The following ALX1 variants were observed in gnomAD, a reference collection of about 807,000 sequenced individuals.
ALX1 encodes the protein ALX homeobox 1, also known as ALX homeobox protein 1.
In ALX1, 19 loss-of-function variants were observed where a neutral mutation model predicts 31.7. That is an observed-to-expected ratio of 0.60 (90% CI 0.42 to 0.88). ALX1 has a LOEUF of 0.88. ALX1 is among the 40% of genes least tolerant of loss of function. The pLI is 0.00. For missense variants in ALX1, 415 were observed against 407.8 expected (o/e 1.02, Z -0.15); for synonymous variants, 153 against 148.8 (o/e 1.03, Z -0.20).
intron 3 of ALX1, among the ~76,000 whole-genome samples, chr12:85,293,436 A>T (rs956665952): frequency 1.3e-5 from 2 of 150,524 alleles, no homozygotes; most frequent in Non-Finnish European, 3.0e-5. Context: ...AAAATGAAAC[A>T]TTTCATTTTT....
intron 1 of ALX1, among the ~76,000 whole-genome samples, chr12:85,281,021 G>T (rs1410678976): frequency 3.3e-5 from 5 of 152,096 alleles, no homozygotes; most frequent in Admixed American, 3.3e-4. Flanking sequence ...AAGACGTGGC[G>T]ATATATTTTC....
chr12:85,281,405 T>C (rs972880543), intron 1 of ALX1, among the ~76,000 whole-genome samples: 2 of 152,220 alleles, frequency 1.3e-5, no homozygotes, highest in African/African-American at 4.8e-5. Context: ...AGAGAACTTC[T>C]CCTTATCATT....
chr12:85,290,810 A>G (rs534539448), intron 3 of ALX1, among the ~76,000 whole-genome samples: 29 of 150,888 alleles, frequency 1.9e-4, no homozygotes, highest in Non-Finnish European at 4.0e-4. Context: ...CCTAAGCCAT[A>G]TTTACTCCAT....
intron 3 of ALX1, among the ~76,000 whole-genome samples, chr12:85,296,382 G>A (rs1277531399): frequency 6.6e-6 from 1 of 151,290 alleles, no homozygotes; most frequent in Non-Finnish European, 1.5e-5. Flanking sequence ...AAAAAAATGA[G>A]TATTAAATGA....
chr12:85,301,071 A>C, intron 3 of ALX1, 84 bp from the exon 4 acceptor site: 1 of 1,511,756 alleles, frequency 6.6e-7, no homozygotes, highest in Non-Finnish European at 9.2e-7. Context: ...TAGTTAACCA[A>C]ATTTAGTAAA....
At chr12:85,287,427 A>T (rs1276924608) in intron 3 of ALX1, among the ~76,000 whole-genome samples, 1 of 149,972 alleles carries the variant, frequency 6.7e-6, no homozygotes, top group African/African-American at 2.4e-5. Context: ...CCTTAACTCC[A>T]TTTAAAAATG....
At chr12:85,287,907 TTGA>T (rs1896770305) in intron 3 of ALX1, among the ~76,000 whole-genome samples, 1 of 151,608 alleles carries the variant, frequency 6.6e-6, no homozygotes, top group African/African-American at 2.4e-5. Context: ...GAGAAATACC[TTGA>T]TAGTTCACTA....
chr12:85,298,434 G>A (rs1348869315), intron 3 of ALX1, among the ~76,000 whole-genome samples: 1 of 151,676 alleles, frequency 6.6e-6, no homozygotes, highest in Non-Finnish European at 1.5e-5. Flanking sequence ...AACACCCAGA[G>A]GGCAGGCTTC....
At position 85,286,989 on chromosome 12, in the gene ALX1, A is replaced by C; in HGVS notation, c.660+8A>C. The C allele has an allele frequency of 1.9e-6, 3 of 1,611,720 alleles. No homozygotes were observed. The Admixed American group carries it at 5.0e-5, about 27-fold the overall frequency. ...ACTGACAGCTACCCACAGGTATGCT[A>C]AACTACACAGAATACTGATCAAGAA... On this transcript the variant is annotated splice_region_variant and intron_variant, in intron 3 of 3. Coordinates refer to ENST00000316824, the MANE Select transcript of ALX1 (RefSeq NM_006982.3).
At chr12:85,295,467 A>G (rs1896875588) in intron 3 of ALX1, among the ~76,000 whole-genome samples, 1 of 151,660 alleles carries the variant, frequency 6.6e-6, no homozygotes, top group African/African-American at 2.4e-5. Flanking sequence ...AGTAAATTCA[A>G]TTACATAGTG....
At position 85,301,667 on chromosome 12, in the gene ALX1, GT is replaced by G; in HGVS notation, c.*195del. ...ATGAACCTCTGAAAAGACTAAATAGGTTTACCATGTGCCAGTCTCCACAAAC... is the reference window on the plus strand; with the variant it reads ...ATGAACCTCTGAAAAGACTAAATAGGTTACCATGTGCCAGTCTCCACAAAC... On this transcript the variant is annotated 3_prime_UTR_variant, in exon 4 of 4. Transcript: ENST00000316824. The G allele has an allele frequency of 1.5e-6, 1 of 663,074 alleles. No individual in the cohort carries two copies. Among genetic ancestry groups the G allele is most frequent in the Non-Finnish European group, 2.5e-6 (1 of 395,800 alleles). The allele number at this position is 663,074 out of a possible 1,614,324, so 41.1% of individuals were successfully genotyped here.
chr12:85,292,119 G>A (rs1354201701), intron 3 of ALX1, among the ~76,000 whole-genome samples: 1 of 150,852 alleles, frequency 6.6e-6, no homozygotes, highest in African/African-American at 2.4e-5. Flanking sequence ...TATTAATTTT[G>A]TTCTAAAGTA....
At chr12:85,296,752 A>T (rs1389437867) in intron 3 of ALX1, among the ~76,000 whole-genome samples, 1 of 151,716 alleles carries the variant, frequency 6.6e-6, no homozygotes, top group Non-Finnish European at 1.5e-5. Context: ...AAAAACACAC[A>T]TACAAGAAGG....
intron 3 of ALX1, among the ~76,000 whole-genome samples, chr12:85,287,529 T>C (rs556693654): frequency 2.0e-5 from 3 of 151,474 alleles, no homozygotes; most frequent in South Asian, 2.1e-4. Flanking sequence ...AAAACAGAGA[T>C]AGAATTAGTA....
Position 85,286,934 on chromosome 12 carries a change from G to C in ALX1, c.613G>C (p.Ala205Pro). 6.2e-7 allele frequency: 1 copy of C among 1,612,202 alleles called. No homozygotes were observed. Among genetic ancestry groups the C allele is most frequent in the Non-Finnish European group, 8.5e-7 (1 of 1,178,634 alleles). ...ACAACAAGCGAAAAGCCATTTTGCTGCCACCTATGATATATCAGTTTTGCC... is the reference window on the plus strand; with the variant it reads ...ACAACAAGCGAAAAGCCATTTTGCTCCCACCTATGATATATCAGTTTTGCC... ...QIQQAKSHFA[A>P]TYDISVLPRT... Residue 205 changes from alanine (A) to proline (P), a missense_variant, in exon 3 of 4, where the codon GCC becomes CCC. This residue lies in a region of ALX1 where 174 missense variants were observed against 177.5 expected (regional missense o/e 0.98). Coordinates refer to ENST00000316824, the MANE Select transcript of ALX1 (RefSeq NM_006982.3).
chr12:85,287,619 A>G (rs1436189547), intron 3 of ALX1, among the ~76,000 whole-genome samples: 1 of 151,500 alleles, frequency 6.6e-6, no homozygotes, highest in African/African-American at 2.4e-5. Flanking sequence ...TCATTACAAA[A>G]AGTGTTAGAA....
rs1020653116 is a variant in ALX1 at position 85,301,640 on chromosome 12, G to A, written c.*165G>A. On this transcript the variant is annotated 3_prime_UTR_variant, in exon 4 of 4. Transcript: ENST00000316824. ...GTTGTTATTTAACATTAAAATCTAA[G>A]AATGAACCTCTGAAAAGACTAAATA... 18 of 769,040 alleles carry A rather than the reference G, an allele frequency of 2.3e-5. No homozygotes were observed. The highest frequency in any genetic ancestry group is 3.7e-5 in the Non-Finnish European group (18 of 484,250). 47.6% of individuals were successfully genotyped at this position (769,040 alleles called of 1,614,324 possible). A position where few individuals can be genotyped will look rare whatever the true frequency, so the allele number is the denominator to read the frequency against.
intron 3 of ALX1, among the ~76,000 whole-genome samples, chr12:85,300,195 A>C (rs552221372): frequency 1.5e-4 from 23 of 152,006 alleles, no homozygotes; most frequent in Non-Finnish European, 2.2e-4. Flanking sequence ...TCCTACTTAA[A>C]ATTCATGTTA....
intron 1 of ALX1, among the ~76,000 whole-genome samples, chr12:85,281,937 A>C (rs1565939833): frequency 6.6e-6 from 1 of 152,232 alleles, no homozygotes; most frequent in Non-Finnish European, 1.5e-5. Context: ...ATCCAAAATA[A>C]GAGACATAAT....
Sources: allele counts gnomAD v4.1 joint callset (sites outside exome capture counted in the v4.1 genomes callset), GRCh38; gene constraint gnomAD v4.1.1; regional missense constraint gnomAD v4.1.1; transcripts MANE v1.5; gene names NCBI Gene and HGNC (gene_info 2026-07-23, HGNC 2026-07-21).